The following MTHFD1L variants were observed in gnomAD, a reference collection of about 807,000 sequenced individuals.
MTHFD1L encodes methylenetetrahydrofolate dehydrogenase (NADP+ dependent) 1 like, also known as monofunctional C1-tetrahydrofolate synthase, mitochondrial.
MTHFD1L carries 81 observed loss-of-function variants against 119.5 expected under a neutral mutation model. The observed-to-expected ratio is 0.68, with a 90% CI of 0.57 to 0.82. The LOEUF (loss-of-function observed/expected upper bound fraction) is 0.82, where lower values mean the gene tolerates loss of function less well. Ranked by LOEUF, MTHFD1L falls within the 40% of genes least tolerant of loss-of-function variation. The pLI is 0.00. For synonymous variants in MTHFD1L, 430 were observed against 475.2 expected, an observed-to-expected ratio of 0.90 and a Z score of 1.24; for missense variants, 1,125 against 1,253.4, an observed-to-expected ratio of 0.90 and a Z score of 1.55.
chr6:150,994,086 A>G (rs1457395084), intron 20 of MTHFD1L, among the ~76,000 whole-genome samples: 9 of 145,788 alleles, frequency 6.2e-5, no homozygotes, highest in African/African-American at 2.2e-4. Flanking sequence ...AAAAAGAAAG[A>G]AAGAAAGAAA....
intron 18 of MTHFD1L, among the ~76,000 whole-genome samples, chr6:150,961,376 G>A (rs1360135877): frequency 6.6e-6 from 1 of 152,184 alleles, no homozygotes; most frequent in African/African-American, 2.4e-5. Flanking sequence ...TTACAGGCAT[G>A]AGCCACCACA....
At chr6:151,005,599 A>G (rs1218186700) in intron 20 of MTHFD1L, among the ~76,000 whole-genome samples, 1 of 152,090 alleles carries the variant, frequency 6.6e-6, no homozygotes, top group Non-Finnish European at 1.5e-5. Flanking sequence ...AAAATAAAAC[A>G]TGGTGAAACC....
chr6:151,007,609 C>A (rs1038543013), intron 20 of MTHFD1L, among the ~76,000 whole-genome samples: 1 of 152,152 alleles, frequency 6.6e-6, no homozygotes, highest in East Asian at 1.9e-4. Flanking sequence ...TGCTAACCTG[C>A]AGGACAGCGC....
intron 6 of MTHFD1L, among the ~76,000 whole-genome samples, chr6:150,887,285 CAAAGA>C (rs1235563165): frequency 6.6e-6 from 1 of 151,970 alleles, no homozygotes; most frequent in Non-Finnish European, 1.5e-5. Flanking sequence ...AGAAAGTACT[CAAAGA>C]AAAGAGTAAA....
At chr6:150,920,372 G>A (rs1301756036) in intron 9 of MTHFD1L, among the ~76,000 whole-genome samples, 2 of 152,172 alleles carry the variant, frequency 1.3e-5, no homozygotes, top group Non-Finnish European at 2.9e-5. Context: ...TCATGGTGCT[G>A]GAGCCTGCAG....
chr6:150,897,626 G>A (rs2128813934), intron 7 of MTHFD1L, among the ~76,000 whole-genome samples: 1 of 152,204 alleles, frequency 6.6e-6, no homozygotes, highest in South Asian at 2.1e-4. Flanking sequence ...GGTCATCAGG[G>A]GCCAGTGAAG....
rs548861952 is a variant in MTHFD1L, at chr6:150,879,670, C to T, written c.417+1844C>T. Among the ~76,000 whole-genome samples, 11 of 142,094 alleles carry T rather than the reference C, an allele frequency of 7.7e-5. No homozygotes were observed. The South Asian group carries it at 2.6e-3, about 34-fold the overall frequency. The allele number at this position is 142,094 out of a possible 152,430, so 93.2% of individuals were successfully genotyped here. On this transcript the variant is annotated intron_variant, in intron 4 of 27. Coordinates refer to ENST00000367321, the MANE Select transcript of MTHFD1L (RefSeq NM_015440.5). ...TCTGAGACGGAGTCTCACTCTGTCACCCAGGCTAGAGTCCAATGGCGCAAT... is the reference window on the plus strand; with the variant it reads ...TCTGAGACGGAGTCTCACTCTGTCATCCAGGCTAGAGTCCAATGGCGCAAT...
intron 20 of MTHFD1L, among the ~76,000 whole-genome samples, chr6:151,003,296 C>T (rs976676465): frequency 6.6e-6 from 1 of 152,298 alleles, no homozygotes; most frequent in Non-Finnish European, 1.5e-5. Context: ...CTTTGGGAGG[C>T]CGAGGTGGGC....
intron 6 of MTHFD1L, among the ~76,000 whole-genome samples, chr6:150,887,080 CT>C (rs1309741469): frequency 1.3e-5 from 2 of 151,892 alleles, no homozygotes; most frequent in African/African-American, 4.8e-5. Flanking sequence ...GCAAATGCCC[CT>C]CCCTACCCCT....
At position 151,049,680 on chromosome 6, in the gene MTHFD1L, T is replaced by A. The variant is rs542614274; in HGVS notation, c.2847+12563T>A. On this transcript the variant is annotated intron_variant, in intron 26 of 27. Coordinates refer to ENST00000367321, the MANE Select transcript of MTHFD1L (RefSeq NM_015440.5). ...CCATCTCAAAAAAAAAAAAAAAAAA[T>A]GGGTTCGCATGAGCCCCCTCCTTGG... Among the ~76,000 whole-genome samples, 1,250 of 136,242 alleles carry A rather than the reference T, an allele frequency of 9.2e-3. 54 individuals carry two copies. The South Asian group carries it at 0.13, about 14-fold the overall frequency. 89.4% of individuals were successfully genotyped at this position (136,242 alleles called of 152,430 possible).
chr6:150,955,982 T>C lies in MTHFD1L; in HGVS notation c.1727-13T>C. Reference sequence around the variant, plus strand: ...ATATTTGTCGACTGAATGACTAATCTGTTCTCTTTCAGTATTGGATACAAA... The same window carrying C: ...ATATTTGTCGACTGAATGACTAATCCGTTCTCTTTCAGTATTGGATACAAA... On this transcript the variant is annotated splice_polypyrimidine_tract_variant and intron_variant, in intron 16 of 27. Coordinates refer to ENST00000367321, the MANE Select transcript of MTHFD1L (RefSeq NM_015440.5). The C allele has an allele frequency of 1.9e-6, 3 of 1,608,530 alleles. No homozygotes were observed. The highest frequency in any genetic ancestry group is 2.6e-6 in the Non-Finnish European group (3 of 1,174,850).
At chr6:151,024,832 G>T (rs1267436076) in intron 24 of MTHFD1L, among the ~76,000 whole-genome samples, 1 of 152,010 alleles carries the variant, frequency 6.6e-6, no homozygotes, top group Non-Finnish European at 1.5e-5. Context: ...GTGTGTGTTT[G>T]TTTTGGGTTT....
intron 1 of MTHFD1L, among the ~76,000 whole-genome samples, chr6:150,869,555 C>G (rs1000614855): frequency 4.6e-5 from 7 of 152,158 alleles, no homozygotes; most frequent in African/African-American, 1.7e-4. Flanking sequence ...TGAAGTCTCA[C>G]TATGTTGGCC....
intron 16 of MTHFD1L, among the ~76,000 whole-genome samples, chr6:150,949,996 C>G (rs549401652): frequency 6.6e-6 from 1 of 152,334 alleles, no homozygotes; most frequent in South Asian, 2.1e-4. Flanking sequence ...TCTTCTCATA[C>G]TTGTGCCCTC....
rs1263343980 is a variant in MTHFD1L, at chr6:151,079,973, A to C, written c.2848-12494A>C. Among the ~76,000 whole-genome samples, 115 of 151,674 alleles carry C rather than the reference A, an allele frequency of 7.6e-4. 1 individual carries two copies. Among genetic ancestry groups the C allele is most frequent in the African/African-American group, 2.4e-3 (101 of 41,282 alleles). On this transcript the variant is annotated intron_variant, in intron 26 of 27. Coordinates refer to ENST00000367321, the MANE Select transcript of MTHFD1L (RefSeq NM_015440.5). ...GCGGTTCACCTAAGGTCAGGAGTTC[A>C]AGACCAGCCTGGCCAACGTGGTGAA...
chr6:150,900,908 G>A (rs895775462), intron 7 of MTHFD1L, among the ~76,000 whole-genome samples: 7 of 151,794 alleles, frequency 4.6e-5, no homozygotes, highest in African/African-American at 1.7e-4. Context: ...CCAGCTACTC[G>A]GGAGGCTGAG....
Position 150,876,140 on chromosome 6 carries a change from A to T in MTHFD1L, c.278A>T (p.Asn93Ile). 3.1e-6 allele frequency: 5 copies of T among 1,604,098 alleles called. No individual in the cohort carries two copies. The highest frequency in any genetic ancestry group is 4.3e-6 in the Non-Finnish European group (5 of 1,175,406). Residue 93 changes from asparagine (N) to isoleucine (I), a missense_variant, in exon 2 of 28, where the codon AAC (asparagine) becomes ATC (isoleucine). Coordinates refer to ENST00000367321, the MANE Select transcript of MTHFD1L (RefSeq NM_015440.5). ...GTTCTAAGTTTATTGCAAGAAAAAA[A>T]CCCTGCCTTCAAGCCGGTTCTTGCA... The part of the protein sequence containing the change: ...KEVLSLLQEK[N>I]PAFKPVLAII...
At chr6:151,019,267 C>A (rs999130136) in intron 24 of MTHFD1L, among the ~76,000 whole-genome samples, 1 of 152,198 alleles carries the variant, frequency 6.6e-6, no homozygotes, top group Non-Finnish European at 1.5e-5. Context: ...CATGAACCAC[C>A]CCACTCTGCA....
At chr6:151,035,205 C>G (rs1785984052) in intron 25 of MTHFD1L, among the ~76,000 whole-genome samples, 1 of 152,186 alleles carries the variant, frequency 6.6e-6, no homozygotes. Flanking sequence ...CAGCATGCAT[C>G]ACCATCTAGT....
Sources: allele counts gnomAD v4.1 joint callset (sites outside exome capture counted in the v4.1 genomes callset), GRCh38; gene constraint gnomAD v4.1.1; transcripts MANE v1.5; gene names NCBI Gene and HGNC (gene_info 2026-07-23, HGNC 2026-07-21).